TBCA: variants seen among roughly 807,000 people sequenced by gnomAD.
The protein encoded by TBCA is tubulin folding cofactor A, also known as tubulin-specific chaperone A.
Under a neutral mutation model 15.8 loss-of-function variants are expected in TBCA, and 6 were observed. The observed-to-expected ratio is 0.38, with a 90% CI of 0.21 to 0.75. The LOEUF (loss-of-function observed/expected upper bound fraction) is 0.75, where lower values mean the gene tolerates loss of function less well. TBCA is among the 30% of genes least tolerant of loss of function. The pLI, the probability that TBCA is intolerant of heterozygous loss-of-function variation, is 0.46. For synonymous variants in TBCA, 32 were observed against 42.3 expected (o/e 0.76, Z 0.94); for missense variants, 90 against 131.2 (o/e 0.69, Z 1.53).
At chr5:77,697,571 G>T (rs1216151995) in intron 2 of TBCA, among the ~76,000 whole-genome samples, 1 of 152,006 alleles carries the variant, frequency 6.6e-6, no homozygotes, top group African/African-American at 2.4e-5. Flanking sequence ...AAATGGAAAT[G>T]AAAATATAAC....
At chr5:77,723,212 T>C (rs976038489) in intron 1 of TBCA, among the ~76,000 whole-genome samples, 2 of 151,900 alleles carry the variant, frequency 1.3e-5, no homozygotes, top group African/African-American at 4.8e-5. Context: ...ATATACTAAC[T>C]GAATGGTAAT....
chr5:77,712,943 T>C (rs906841127), intron 1 of TBCA, among the ~76,000 whole-genome samples: 3 of 152,138 alleles, frequency 2.0e-5, no homozygotes, highest in African/African-American at 7.2e-5. Flanking sequence ...TTGAGTACTG[T>C]CCAGTAGTCT....
intron 1 of TBCA, among the ~76,000 whole-genome samples, chr5:77,744,737 T>C (rs1747141867): frequency 6.6e-6 from 1 of 152,038 alleles, no homozygotes; most frequent in Non-Finnish European, 1.5e-5. Context: ...GGTTTCACCA[T>C]GTTGGCCAGG....
intron 1 of TBCA, 170 bp from the exon 2 acceptor site, chr5:77,708,517 C>A: frequency 2.1e-6 from 1 of 487,498 alleles, no homozygotes; most frequent in Non-Finnish European, 3.7e-6. Context: ...AAGCATGATC[C>A]TCATGCTCTT....
intron 2 of TBCA, among the ~76,000 whole-genome samples, chr5:77,694,511 G>A (rs1449968510): frequency 1.3e-5 from 2 of 152,138 alleles, no homozygotes; most frequent in Admixed American, 1.3e-4. Context: ...GAGTAAATAA[G>A]TTAATGCCAC....
intron 1 of TBCA, among the ~76,000 whole-genome samples, chr5:77,724,997 CACA>C (rs1220338979): frequency 6.6e-6 from 1 of 152,134 alleles, no homozygotes. Context: ...CCTCTCAGCT[CACA>C]ACCTTTTCTT....
At chr5:77,715,125 G>A (rs534549584) in intron 1 of TBCA, 1 of 625,832 alleles carries the variant, frequency 1.6e-6, no homozygotes, top group Non-Finnish European at 2.8e-6. Flanking sequence ...AGATTTCAAA[G>A]AGGCAATAAG....
At chr5:77,773,819 T>TAGAC (rs1747963496) in intron 1 of TBCA, among the ~76,000 whole-genome samples, 1 of 152,240 alleles carries the variant, frequency 6.6e-6, no homozygotes, top group African/African-American at 2.4e-5. Flanking sequence ...GTTTCTTTAG[T>TAGAC]AGACATTGCT....
Position 77,776,186 on chromosome 5 carries a change from GC to G in TBCA, c.53+18del. On this transcript the variant is annotated intron_variant, in intron 1 of 3. Transcript: ENST00000380377. ...AGGTGACGAAGAGGAGGTGCAGGGC[GC>G]CGCTCCCGGCTCCTTACCGCTTCAC... 1 of 1,555,534 alleles carries G rather than the reference GC, an allele frequency of 6.4e-7. No individual in the cohort carries two copies. The highest frequency in any genetic ancestry group is 1.9e-5 in the Admixed American group (1 of 51,870).
At position 77,691,331 on chromosome 5, in the gene TBCA, C is replaced by T; in HGVS notation, c.*87G>A. 1 of 1,115,218 alleles carries T rather than the reference C, an allele frequency of 9.0e-7. No individual in the cohort carries two copies. Among genetic ancestry groups the T allele is most frequent in the Non-Finnish European group, 1.3e-6 (1 of 770,158 alleles). The allele number at this position is 1,115,218 out of a possible 1,614,324, so 69.1% of individuals were successfully genotyped here. On this transcript the variant is annotated 3_prime_UTR_variant, in exon 4 of 4. Coordinates refer to ENST00000380377, the MANE Select transcript of TBCA (RefSeq NM_004607.3). ...TAAAAACAATCACATTCTCATACTA[C>T]TTGAACACATAGCAGTGGTCAAAAA...
At chr5:77,737,467 C>T (rs1012057341) in intron 1 of TBCA, among the ~76,000 whole-genome samples, 1 of 152,146 alleles carries the variant, frequency 6.6e-6, no homozygotes, top group African/African-American at 2.4e-5. Context: ...CTTATCGACA[C>T]TCTAAGGTCA....
At chr5:77,770,388 A>C (rs1458038954) in intron 1 of TBCA, among the ~76,000 whole-genome samples, 2 of 152,202 alleles carry the variant, frequency 1.3e-5, no homozygotes, top group Non-Finnish European at 2.9e-5. Flanking sequence ...ACTATCTGTA[A>C]ATAGCCTCCA....
At chr5:77,710,243 GTACTGA>G (rs1486632744) in intron 1 of TBCA, among the ~76,000 whole-genome samples, 25 of 152,148 alleles carry the variant, frequency 1.6e-4, no homozygotes, top group African/African-American at 6.0e-4. Flanking sequence ...AAAGCTGCAA[GTACTGA>G]TACATTCAAG....
At position 77,774,979 on chromosome 5, in the gene TBCA, TTAAAAA is replaced by T. The variant is rs1747987986; in HGVS notation, c.53+1220_53+1225del. Reference sequence around the variant, plus strand: ...TTCCTGAATAAGATAGCTACAAAGATTAAAAAAAAAAAAAAAAAAGCTACATACCTC... The same window carrying T: ...TTCCTGAATAAGATAGCTACAAAGATAAAAAAAAAAAAAGCTACATACCTC... On this transcript the variant is annotated intron_variant, in intron 1 of 3. Transcript: ENST00000380377. Among the ~76,000 whole-genome samples the T allele has an allele frequency of 9.5e-5, 4 of 42,000 alleles. No homozygotes were observed. In the Admixed American group the frequency reaches 1.1e-3, roughly 11 times the overall value. The allele number at this position is 42,000 out of a possible 152,430, so 27.6% of individuals were successfully genotyped here. A position where few individuals can be genotyped will look rare whatever the true frequency, so the allele number is the denominator to read the frequency against.
chr5:77,701,809 T>C (rs1157195377), intron 2 of TBCA, among the ~76,000 whole-genome samples: 8 of 149,260 alleles, frequency 5.4e-5, no homozygotes, highest in Non-Finnish European at 8.9e-5. Flanking sequence ...TTACTCTAAG[T>C]GAGGTAACTC....
chr5:77,698,959 C>T (rs184626502), intron 2 of TBCA, among the ~76,000 whole-genome samples: 37 of 143,326 alleles, frequency 2.6e-4, no homozygotes, highest in African/African-American at 9.4e-4. Context: ...CAAAAATCAA[C>T]TGCACTTTTA....
intron 1 of TBCA, among the ~76,000 whole-genome samples, chr5:77,753,431 G>A (rs931654326): frequency 3.3e-5 from 5 of 152,110 alleles, no homozygotes; most frequent in East Asian, 3.8e-4. Context: ...TTTTTCACCT[G>A]CTTTTTTAAA....
intron 1 of TBCA, chr5:77,715,320 A>C (rs1265043476): frequency 1.4e-6 from 1 of 701,354 alleles, no homozygotes; most frequent in Non-Finnish European, 2.6e-6. Context: ...AATCCCTAAC[A>C]AAGGAAAAAT....
At chr5:77,764,602 C>T (rs912731091) in intron 1 of TBCA, among the ~76,000 whole-genome samples, 10 of 152,128 alleles carry the variant, frequency 6.6e-5, no homozygotes, top group South Asian at 2.1e-4. Context: ...CAGTGTGATT[C>T]GATGAAGCAA....
Sources: gnomAD v4.1 joint callset for allele counts (sites outside exome capture counted in the v4.1 genomes callset) on GRCh38, gnomAD v4.1.1 for gene constraint, MANE v1.5 for transcripts, NCBI Gene and HGNC (gene_info 2026-07-23, HGNC 2026-07-21) for gene names.